Variants in MYO5A observed in about 807,000 individuals in gnomAD.
MYO5A encodes unconventional myosin-Va.
A neutral mutation model predicts 249.7 loss-of-function variants in MYO5A; 98 were observed. That is an observed-to-expected ratio of 0.39 (90% confidence interval 0.33 to 0.46). The LOEUF (loss-of-function observed/expected upper bound fraction) is 0.46, where lower values mean the gene tolerates loss of function less well. Among genes scored for constraint, MYO5A ranks in the 20% least tolerant of loss-of-function variants. The pLI is 0.98. For synonymous variants in MYO5A, 778 were observed against 810.6 expected (o/e 0.96, Z 0.68); for missense variants, 1,696 against 2,308.8 (o/e 0.73, Z 5.44).
chr15:52,436,568 A>G (rs1253980510), intron 1 of MYO5A, among the ~76,000 whole-genome samples: 2 of 152,154 alleles, frequency 1.3e-5, no homozygotes, highest in East Asian at 3.8e-4. Flanking sequence ...ACTCTTATTC[A>G]CTATCTGAAA....
At chr15:52,449,446 T>C (rs1255337953) in intron 1 of MYO5A, among the ~76,000 whole-genome samples, 1 of 152,138 alleles carries the variant, frequency 6.6e-6, no homozygotes, top group African/African-American at 2.4e-5. Flanking sequence ...TCTACTCAAA[T>C]TGCCCAGCAA....
In MYO5A at chr15:52,337,222, T is replaced by A. The variant is rs376393344; in HGVS notation, c.4314+588A>T. Among the ~76,000 whole-genome samples the A allele has an allele frequency of 3.3e-5, 5 of 152,302 alleles. No homozygotes were observed. In the East Asian group the frequency reaches 9.6e-4, roughly 29 times the overall value. Reference sequence around the variant, plus strand: ...GAAAGGGGTATTTATGAATGCTTTATGCAAAAACAGAAACAAAAGCAGTAC... The same window carrying A: ...GAAAGGGGTATTTATGAATGCTTTAAGCAAAAACAGAAACAAAAGCAGTAC... On this transcript the variant is annotated intron_variant, in intron 33 of 41. Coordinates refer to ENST00000399233, the MANE Select transcript of MYO5A (RefSeq NM_001382347.1).
intron 1 of MYO5A, among the ~76,000 whole-genome samples, chr15:52,433,700 G>A (rs532211261): frequency 6.6e-6 from 1 of 151,816 alleles, no homozygotes; most frequent in Non-Finnish European, 1.5e-5. Context: ...GGGATTACAG[G>A]TGTGAGCCAC....
chr15:52,372,288 T>G lies in MYO5A; in HGVS notation c.2653A>C (p.Ser885Arg). The change falls in exon 21 of 42, where the codon AGC becomes CGC. Residue 885 changes from serine (S) to arginine (R), a missense_variant. This residue lies in a region of MYO5A where 412 missense variants were observed against 453.3 expected (regional missense o/e 0.91). Coordinates refer to ENST00000399233, the MANE Select transcript of MYO5A (RefSeq NM_001382347.1). ...GWLARTHYKRSMHAIIYLQCC... is the reference protein window; with the variant it reads ...GWLARTHYKRRMHAIIYLQCC... ...TGAAGGTAGATGATGGCATGCATGC[T>G]CCTCTTGTAGTGTGTGCGGGCCAGC... The G allele has an allele frequency of 6.2e-7, 1 of 1,610,808 alleles. No homozygotes were observed. Among genetic ancestry groups the G allele is most frequent in the Middle Eastern group, 1.8e-4 (1 of 5,594 alleles).
At chr15:52,461,864 G>A (rs1012740052) in intron 1 of MYO5A, among the ~76,000 whole-genome samples, 2 of 151,780 alleles carry the variant, frequency 1.3e-5, no homozygotes, top group African/African-American at 2.4e-5. Flanking sequence ...AGGAGGCTGA[G>A]GCAGGAGAAT....
chr15:52,404,304 T>C (rs558270108), intron 9 of MYO5A, among the ~76,000 whole-genome samples: 62 of 150,982 alleles, frequency 4.1e-4, no homozygotes, highest in African/African-American at 1.5e-3. Context: ...ATGGAACAAG[T>C]CTTCTCTTTA....
intron 1 of MYO5A, among the ~76,000 whole-genome samples, chr15:52,494,006 C>T (rs890978823): frequency 2.0e-5 from 3 of 152,170 alleles, no homozygotes; most frequent in African/African-American, 7.2e-5. Context: ...GCACAGCAAG[C>T]TTCACTGCCT....
intron 1 of MYO5A, among the ~76,000 whole-genome samples, chr15:52,526,962 G>C (rs1337721025): frequency 6.6e-6 from 1 of 151,994 alleles, no homozygotes; most frequent in African/African-American, 2.4e-5. Flanking sequence ...GGCCACACTG[G>C]AAGAAGAATT....
intron 1 of MYO5A, among the ~76,000 whole-genome samples, chr15:52,460,908 G>T (rs1403738332): frequency 6.6e-6 from 1 of 152,058 alleles, no homozygotes; most frequent in Admixed American, 6.6e-5. Flanking sequence ...AATACATGTG[G>T]TCAAAGGAAA....
intron 1 of MYO5A, among the ~76,000 whole-genome samples, chr15:52,445,671 G>A (rs577655170): frequency 1.3e-5 from 2 of 152,334 alleles, no homozygotes; most frequent in African/African-American, 4.8e-5. Context: ...GATCCAGACA[G>A]TGAAGGCCAG....
intron 9 of MYO5A, among the ~76,000 whole-genome samples, chr15:52,404,372 A>G (rs555279241): frequency 9.2e-5 from 14 of 152,170 alleles, no homozygotes; most frequent in Non-Finnish European, 2.1e-4. Context: ...ATATAGTATC[A>G]AAGTACTATA....
intron 22 of MYO5A, among the ~76,000 whole-genome samples, chr15:52,367,551 T>G (rs1349821619): frequency 1.3e-5 from 2 of 152,186 alleles, no homozygotes; most frequent in Admixed American, 6.5e-5. Flanking sequence ...GTAATTGATA[T>G]TACCTTCTCC....
intron 4 of MYO5A, among the ~76,000 whole-genome samples, chr15:52,419,775 C>G (rs1313992950): frequency 1.3e-5 from 2 of 152,072 alleles, no homozygotes; most frequent in African/African-American, 4.8e-5. Context: ...CAGTACAGAG[C>G]CTATGCATTA....
chr15:52,423,682 T>C lies in MYO5A; in HGVS notation c.455+2148A>G, dbSNP rs903273504. Among the ~76,000 whole-genome samples, 7 of 152,276 alleles carry C rather than the reference T, an allele frequency of 4.6e-5. No homozygotes were observed. The East Asian group carries it at 1.3e-3, about 29-fold the overall frequency. On this transcript the variant is annotated intron_variant, in intron 4 of 41. Transcript: ENST00000399233. ...ATGGGTATAGATTTATTTATATAAA[T>C]GGTAAATATAATACCATAACTAATT...
intron 1 of MYO5A, among the ~76,000 whole-genome samples, chr15:52,439,032 G>A (rs984095818): frequency 3.3e-5 from 5 of 152,294 alleles, no homozygotes; most frequent in African/African-American, 4.8e-5. Flanking sequence ...CGTCCTAATC[G>A]AGCTGAACAC....
At chr15:52,429,788 G>A (rs181941985) in intron 2 of MYO5A, among the ~76,000 whole-genome samples, 3 of 152,276 alleles carry the variant, frequency 2.0e-5, no homozygotes, top group East Asian at 3.9e-4. Flanking sequence ...ATTTTTAATA[G>A]AGATGGGGGT....
intron 1 of MYO5A, among the ~76,000 whole-genome samples, chr15:52,507,036 T>A (rs1205711340): frequency 1.3e-5 from 2 of 152,188 alleles, no homozygotes; most frequent in Non-Finnish European, 2.9e-5. Flanking sequence ...AGCTACTTTT[T>A]TTTCCCCCTG....
chr15:52,438,180 C>T (rs2075706863), intron 1 of MYO5A: 2 of 371,012 alleles, frequency 5.4e-6, no homozygotes, highest in African/African-American at 2.2e-5. Context: ...CTACTGCTTT[C>T]ATCACTTCCA....
At chr15:52,323,590 T>C (rs2038434803) in intron 36 of MYO5A, 146 bp from the exon 37 acceptor site, 1 of 639,868 alleles carries the variant, frequency 1.6e-6, no homozygotes, top group Admixed American at 2.4e-5. Context: ...TGTGAAGTCT[T>C]ATGTCATTGC....
Sources: gnomAD v4.1 joint callset for allele counts (sites outside exome capture counted in the v4.1 genomes callset) on GRCh38, gnomAD v4.1.1 for gene constraint, gnomAD v4.1.1 regional missense constraint, MANE v1.5 for transcripts, NCBI Gene and HGNC (gene_info 2026-07-23, HGNC 2026-07-21) for gene names.